Variants in MYCBP2 observed in about 807,000 individuals in gnomAD.
The protein encoded by MYCBP2 is MYC binding protein 2, also known as E3 ubiquitin-protein ligase MYCBP2.
A neutral mutation model predicts 525.3 loss-of-function variants in MYCBP2; 120 were observed. That is an observed-to-expected ratio of 0.23 (90% confidence interval 0.20 to 0.27). MYCBP2 has a LOEUF of 0.27. MYCBP2 is among the 10% of genes least tolerant of loss of function. The pLI is 1.00. For synonymous variants in MYCBP2, 1,894 were observed against 1,955.8 expected (o/e 0.97, Z 0.83); for missense variants, 4,149 against 5,657.1 (o/e 0.73, Z 8.55).
chr13:77,070,529 T>A, intron 69 of MYCBP2, 102 bp downstream of exon 69: 1 of 750,914 alleles, frequency 1.3e-6, no homozygotes. Context: ...AGATTGGACA[T>A]CCCTGCTTTA....
In MYCBP2 at chr13:77,273,642, T is replaced by C. The variant is rs768881866; in HGVS notation, c.775A>G (p.Ile259Val). ...LESLFQLLLE[I>V]TVRSTGMNDS... The stretch of plus-strand genomic sequence containing the variant: ...TTCATCCCAGTACTTCGAACGGTGA[T>C]TTCCAAAAGAAGCTGGAAGAGAGAC... Residue 259 changes from isoleucine to valine, a missense_variant, in exon 5 of 83, where the codon ATC (isoleucine) becomes GTC (valine). Coordinates refer to ENST00000544440, the MANE Select transcript of MYCBP2 (RefSeq NM_015057.5). 1.3e-6 allele frequency: 2 copies of C among 1,556,736 alleles called. No individual in the cohort carries two copies. The highest frequency in any genetic ancestry group is 1.7e-6 in the Non-Finnish European group (2 of 1,156,722).
chr13:77,236,144 AAAG>A (rs769403830), intron 17 of MYCBP2, among the ~76,000 whole-genome samples: 10 of 152,220 alleles, frequency 6.6e-5, no homozygotes, highest in Non-Finnish European at 1.2e-4. Context: ...TAGGCAAAGA[AAAG>A]AAGCCTCAGC....
At chr13:77,156,281 A>C in intron 45 of MYCBP2, 79 bp from the exon 46 acceptor site, 1 of 1,358,014 alleles carries the variant, frequency 7.4e-7, no homozygotes, top group East Asian at 2.4e-5. Context: ...AATTAAGCCA[A>C]ATGAACAAAA....
At position 77,250,128 on chromosome 13, in the gene MYCBP2, C is replaced by T. The variant is rs1009827334; in HGVS notation, c.2381+1023G>A. Among the ~76,000 whole-genome samples, 153 of 150,278 alleles carry T rather than the reference C, an allele frequency of 1.0e-3. 2 individuals carry two copies. The highest frequency in any genetic ancestry group is 7.7e-4 in the Non-Finnish European group (52 of 67,506). On this transcript the variant is annotated intron_variant, in intron 15 of 82. Transcript: ENST00000544440. Reference sequence around the variant, plus strand: ...GTCCCAGCTACTTGGGAGGTCGAGGCAGGAGAATGGCGTGAACCCGGGAGG... The same window carrying T: ...GTCCCAGCTACTTGGGAGGTCGAGGTAGGAGAATGGCGTGAACCCGGGAGG...
rs530886393 is a variant in MYCBP2 at position 77,076,790 on chromosome 13, T to C, written c.11784A>G (p.Ala3928=). 5 of 1,612,764 alleles carry C rather than the reference T, an allele frequency of 3.1e-6. No individual in the cohort carries two copies. Among genetic ancestry groups the C allele is most frequent in the Non-Finnish European group, 4.2e-6 (5 of 1,179,082 alleles). The change falls in exon 68 of 83, where the codon GCA becomes GCG. Residue 3928 remains alanine (A), a synonymous_variant. Coordinates refer to ENST00000544440, the MANE Select transcript of MYCBP2 (RefSeq NM_015057.5). ...CTTCTCCTTCAGGTGATGACAATAG[T>C]GCTTTTTCCTCTTGTTCTGGTGTAG... ...AEPTPEQEEK[A]LLSSPEGEEK...
chr13:77,067,650 G>T lies in MYCBP2; in HGVS notation c.12386C>A (p.Thr4129Asn). ...VQLKAKGTTI[T>N]GTAGTTVGKG... is the part of the protein sequence containing the mutation. ...GCCCACAGTGGTACCAGCTGTTCCAGTGATGGTGGTTCCTTTGGCTTTTAG... is the reference window on the plus strand; with the variant it reads ...GCCCACAGTGGTACCAGCTGTTCCATTGATGGTGGTTCCTTTGGCTTTTAG... The change falls in exon 71 of 83, where the codon ACT (threonine) becomes AAT (asparagine). Residue 4129 changes from threonine (T) to asparagine (N), a missense_variant. This residue lies in a region of MYCBP2 where 148 missense variants were observed against 179.4 expected (regional missense o/e 0.82). Transcript: ENST00000544440. 6.2e-7 allele frequency: 1 copy of T among 1,614,180 alleles called. No homozygotes were observed. The highest frequency in any genetic ancestry group is 8.5e-7 in the Non-Finnish European group (1 of 1,180,008).
In MYCBP2 at chr13:77,077,204, G is replaced by A; in HGVS notation, c.11668C>T (p.Gln3890Ter). The A allele has an allele frequency of 6.2e-7, 1 of 1,613,992 alleles. No individual in the cohort carries two copies. The highest frequency in any genetic ancestry group is 8.5e-7 in the Non-Finnish European group (1 of 1,179,960). The change falls in exon 67 of 83, where the codon CAG becomes TAG. Residue 3890 changes from glutamine to a stop codon, truncating the protein, a stop_gained. Coordinates refer to ENST00000544440, the MANE Select transcript of MYCBP2 (RefSeq NM_015057.5). LOFTEE classifies it high-confidence loss of function. ...GTCTCAGCTTCACAGTTCCTCTGCT[G>A]GGCCACACTGGCTGAAATCTGGCCA... ...IAGQISASVA[Q>*]QRNCEAETLR...
chr13:77,056,958 A>C, intron 79 of MYCBP2, 28 bp downstream of exon 79: 1 of 1,487,840 alleles, frequency 6.7e-7, no homozygotes, highest in Non-Finnish European at 9.4e-7. Flanking sequence ...AGAAAAAGAA[A>C]GTACATGATT....
intron 32 of MYCBP2, among the ~76,000 whole-genome samples, chr13:77,182,594 A>C (rs990644001): frequency 3.3e-5 from 5 of 152,232 alleles, no homozygotes; most frequent in African/African-American, 9.6e-5. Flanking sequence ...CAAAGAAGAA[A>C]AGAACCATAT....
chr13:77,314,259 A>G (rs962787005), intron 1 of MYCBP2, among the ~76,000 whole-genome samples: 1 of 152,212 alleles, frequency 6.6e-6, no homozygotes, highest in African/African-American at 2.4e-5. Context: ...ATACAATGTC[A>G]TTTGTCAATT....
chr13:77,265,892 C>T (rs2073998018), intron 8 of MYCBP2, among the ~76,000 whole-genome samples: 1 of 152,140 alleles, frequency 6.6e-6, no homozygotes, highest in African/African-American at 2.4e-5. Flanking sequence ...TATCAAGCAA[C>T]ATCTGCCAGT....
intron 68 of MYCBP2, among the ~76,000 whole-genome samples, chr13:77,074,490 G>T (rs1342127012): frequency 6.6e-6 from 1 of 152,116 alleles, no homozygotes; most frequent in Non-Finnish European, 1.5e-5. Flanking sequence ...TGAAAGATAA[G>T]ACACAGACTA....
At chr13:77,078,320 G>C (rs2042678752) in intron 66 of MYCBP2, among the ~76,000 whole-genome samples, 1 of 152,212 alleles carries the variant, frequency 6.6e-6, no homozygotes, top group Non-Finnish European at 1.5e-5. Context: ...AAAGTTTCAT[G>C]AATACAAGTA....
chr13:77,217,716 G>A, intron 21 of MYCBP2, 124 bp downstream of exon 21: 1 of 507,254 alleles, frequency 2.0e-6, no homozygotes, highest in South Asian at 4.4e-5. Context: ...CATGAAATAT[G>A]CATATGTAAC....
At chr13:77,310,516 T>TATGGCCC (rs2080053835) in intron 1 of MYCBP2, among the ~76,000 whole-genome samples, 1 of 152,178 alleles carries the variant, frequency 6.6e-6, no homozygotes, top group South Asian at 2.1e-4. Flanking sequence ...ACAGAGACTC[T>TATGGCCC]ATGGCCCATA....
At chr13:77,107,872 T>C (rs1247356527) in intron 55 of MYCBP2, among the ~76,000 whole-genome samples, 1 of 152,206 alleles carries the variant, frequency 6.6e-6, no homozygotes, top group African/African-American at 2.4e-5. Context: ...ATACATCTAA[T>C]ATTCTTCTTT....
In MYCBP2 at chr13:77,068,850, G is replaced by A; in HGVS notation, c.11905-19C>T. 1 of 1,607,690 alleles carries A rather than the reference G, an allele frequency of 6.2e-7. No individual in the cohort carries two copies. The highest frequency in any genetic ancestry group is 8.5e-7 in the Non-Finnish European group (1 of 1,177,254). ...CACACACCTATTTAAAGTTAACACA[G>A]AACATGTAAAAATATAGGGTTAGTT... is the stretch of plus-strand genomic sequence containing the variant. On this transcript the variant is annotated intron_variant, in intron 69 of 82. Transcript: ENST00000544440.
chr13:77,160,159 C>T (rs1322901892), intron 44 of MYCBP2, among the ~76,000 whole-genome samples: 6 of 151,686 alleles, frequency 4.0e-5, no homozygotes, highest in African/African-American at 7.3e-5. Context: ...CTCCGACTCC[C>T]GGGTTCAAGC....
intron 1 of MYCBP2, among the ~76,000 whole-genome samples, chr13:77,314,348 T>A (rs987341845): frequency 6.6e-6 from 1 of 152,198 alleles, no homozygotes; most frequent in East Asian, 1.9e-4. Flanking sequence ...TTGCCAAAAC[T>A]TGGAAGCAAC....
Sources: gnomAD v4.1 joint callset for allele counts (sites outside exome capture counted in the v4.1 genomes callset) on GRCh38, gnomAD v4.1.1 for gene constraint, gnomAD v4.1.1 regional missense constraint, MANE v1.5 for transcripts, NCBI Gene and HGNC (gene_info 2026-07-23, HGNC 2026-07-21) for gene names.